KCNC2: variants seen among roughly 807,000 people sequenced by gnomAD.
The protein encoded by KCNC2 is potassium voltage-gated channel subfamily C member 2.
KCNC2 carries 21 observed loss-of-function variants against 44.5 expected under a neutral mutation model. The observed-to-expected ratio is 0.47, with a 90% confidence interval of 0.33 to 0.68. KCNC2 has a LOEUF of 0.68. KCNC2 is among the 30% of genes least tolerant of loss of function. KCNC2 has a pLI of 0.01. For missense variants in KCNC2, 589 were observed against 826.2 expected, an observed-to-expected ratio of 0.71 and a Z score of 3.52; for synonymous variants, 391 against 339.1, an observed-to-expected ratio of 1.15 and a Z score of -1.68.
At chr12:75,105,568 G>A (rs1212141325) in intron 2 of KCNC2, among the ~76,000 whole-genome samples, 2 of 152,150 alleles carry the variant, frequency 1.3e-5, no homozygotes, top group African/African-American at 4.8e-5. Flanking sequence ...AAATGATATG[G>A]GCTTGGACTT....
At chr12:75,201,007 C>T (rs1390284835) in intron 2 of KCNC2, among the ~76,000 whole-genome samples, 2 of 151,486 alleles carry the variant, frequency 1.3e-5, no homozygotes, top group East Asian at 1.9e-4. Flanking sequence ...ATTATCTAAT[C>T]GGTTACCCTT....
intron 2 of KCNC2, among the ~76,000 whole-genome samples, chr12:75,107,622 T>C (rs1886893458): frequency 6.6e-6 from 1 of 151,344 alleles, no homozygotes; most frequent in Non-Finnish European, 1.5e-5. Flanking sequence ...TTTATTTGAA[T>C]GTATTTCTTG....
intron 2 of KCNC2, among the ~76,000 whole-genome samples, chr12:75,121,501 G>C (rs1296945947): frequency 6.6e-6 from 1 of 152,184 alleles, no homozygotes; most frequent in African/African-American, 2.4e-5. Context: ...ATAAATATAG[G>C]GGTGGGAGGC....
At chr12:75,151,991 A>ACATT (rs1890436398) in intron 2 of KCNC2, among the ~76,000 whole-genome samples, 1 of 142,706 alleles carries the variant, frequency 7.0e-6, no homozygotes, top group East Asian at 2.1e-4. Context: ...TATATATTAT[A>ACATT]TATATTACAT....
chr12:75,092,405 A>T (rs895525525), intron 2 of KCNC2, among the ~76,000 whole-genome samples: 1 of 151,734 alleles, frequency 6.6e-6, no homozygotes, highest in Admixed American at 6.6e-5. Context: ...AAATAGCAAA[A>T]TAGACTAATG....
chr12:75,192,785 G>C (rs537696053), intron 2 of KCNC2, among the ~76,000 whole-genome samples: 1 of 152,030 alleles, frequency 6.6e-6, no homozygotes, highest in East Asian at 1.9e-4. Context: ...TTGTAGGCAA[G>C]GAAAATCACA....
intron 2 of KCNC2, among the ~76,000 whole-genome samples, chr12:75,094,232 A>C (rs1480147105): frequency 6.6e-6 from 1 of 151,728 alleles, no homozygotes; most frequent in Non-Finnish European, 1.5e-5. Context: ...TACAAATGAT[A>C]TATTAAAAAT....
chr12:75,075,862 A>G lies in KCNC2; in HGVS notation c.688-24545T>C, dbSNP rs149642906. ...AGAATGGACCTGAATAAATTCATAA[A>G]TTCCTATCTCCACCTGCCTTAAGAA... On this transcript the variant is annotated intron_variant, in intron 2 of 4. Transcript: ENST00000549446. 7.9e-4 allele frequency among the ~76,000 whole-genome samples: 120 copies of G among 152,220 alleles called. No homozygotes were observed. In the East Asian group the frequency reaches 0.02, roughly 25 times the overall value.
At chr12:75,123,390 A>T (rs182457851) in intron 2 of KCNC2, among the ~76,000 whole-genome samples, 256 of 152,302 alleles carry the variant, frequency 1.7e-3, no homozygotes, top group Middle Eastern at 6.8e-3. Flanking sequence ...ATGTTTTAAA[A>T]ATACACTTAA....
At chr12:75,135,187 A>T (rs902587997) in intron 2 of KCNC2, among the ~76,000 whole-genome samples, 6 of 151,902 alleles carry the variant, frequency 3.9e-5, no homozygotes, top group Admixed American at 1.3e-4. Flanking sequence ...GTTCAGGACA[A>T]AGCAGATGGA....
At chr12:75,082,261 A>G (rs1884582369) in intron 2 of KCNC2, among the ~76,000 whole-genome samples, 1 of 151,930 alleles carries the variant, frequency 6.6e-6, no homozygotes, top group Admixed American at 6.6e-5. Flanking sequence ...GATTGGAGTT[A>G]TCTATAAAAT....
At chr12:75,168,824 A>G (rs1891626802) in intron 2 of KCNC2, among the ~76,000 whole-genome samples, 1 of 151,588 alleles carries the variant, frequency 6.6e-6, no homozygotes. Flanking sequence ...TTTGAACAAA[A>G]TGAATAATAG....
At chr12:75,087,140 TC>T (rs1885096170) in intron 2 of KCNC2, among the ~76,000 whole-genome samples, 1 of 152,088 alleles carries the variant, frequency 6.6e-6, no homozygotes. Context: ...GATAGAAATT[TC>T]AAAAATATTA....
chr12:75,150,677 TAC>T (rs1443818684), intron 2 of KCNC2, among the ~76,000 whole-genome samples: 6 of 152,012 alleles, frequency 3.9e-5, no homozygotes, highest in Non-Finnish European at 5.9e-5. Context: ...TACTATGAAA[TAC>T]AGTCTACAGA....
chr12:75,203,747 AT>A (rs1465288432), intron 2 of KCNC2, among the ~76,000 whole-genome samples: 1 of 152,078 alleles, frequency 6.6e-6, no homozygotes, highest in East Asian at 1.9e-4. Context: ...CCTATAAAAA[AT>A]ATAAGTGAAA....
intron 2 of KCNC2, among the ~76,000 whole-genome samples, chr12:75,149,980 A>G (rs896065024): frequency 6.6e-6 from 1 of 151,808 alleles, no homozygotes. Context: ...GGACATTTTA[A>G]TTTGCCAAAG....
intron 4 of KCNC2, 34 bp downstream of exon 4, chr12:75,048,119 T>A: frequency 6.3e-7 from 1 of 1,591,870 alleles, no homozygotes; most frequent in Non-Finnish European, 8.6e-7. Flanking sequence ...TATTGCTAAG[T>A]CACCTGTTAT....
rs1253304945 is a variant in KCNC2, at chr12:75,041,489, G to T, written c.*1616C>A. On this transcript the variant is annotated 3_prime_UTR_variant, in exon 5 of 5. Coordinates refer to ENST00000549446, the MANE Select transcript of KCNC2 (RefSeq NM_139137.4). ...CATGAGAAATAGGAATTAATCAGCA[G>T]TCTCAAGGCTCCCAAATGCCTTAGT... 6 of 1,198,132 alleles carry T rather than the reference G, an allele frequency of 5.0e-6. No individual in the cohort carries two copies. In the South Asian group the frequency reaches 1.2e-4, roughly 24 times the overall value. 74.2% of individuals were successfully genotyped at this position (1,198,132 alleles called of 1,614,324 possible).
chr12:75,151,349 CA>C (rs1890380223), intron 2 of KCNC2, among the ~76,000 whole-genome samples: 1 of 152,018 alleles, frequency 6.6e-6, no homozygotes, highest in Non-Finnish European at 1.5e-5. Flanking sequence ...ACTACCTGTA[CA>C]GTATCAAGGT....
Sources: gnomAD v4.1 joint callset for allele counts (sites outside exome capture counted in the v4.1 genomes callset) on GRCh38, gnomAD v4.1.1 for gene constraint, MANE v1.5 for transcripts, NCBI Gene and HGNC (gene_info 2026-07-23, HGNC 2026-07-21) for gene names.